Variants in FBN2 observed in about 807,000 individuals in gnomAD.
FBN2 encodes fibrillin-2.
A neutral mutation model predicts 355.6 loss-of-function variants in FBN2; 105 were observed. The observed-to-expected ratio is 0.30, with a 90% CI of 0.25 to 0.35. The LOEUF (loss-of-function observed/expected upper bound fraction) is 0.35, where lower values mean the gene tolerates loss of function less well. Ranked by LOEUF, FBN2 falls within the 10% of genes least tolerant of loss-of-function variation. The pLI, the probability that FBN2 is intolerant of heterozygous loss-of-function variation, is 1.00. For missense variants in FBN2, 3,280 were observed against 3,758.7 expected (o/e 0.87, Z 3.33); for synonymous variants, 1,350 against 1,301.2 (o/e 1.04, Z -0.81).
chr5:128,435,350 T>C (rs1362774517), intron 7 of FBN2, among the ~76,000 whole-genome samples: 3 of 152,222 alleles, frequency 2.0e-5, no homozygotes, highest in Non-Finnish European at 4.4e-5. Flanking sequence ...AAGTCAACTG[T>C]GTTATTTTCA....
chr5:128,399,402 G>C (rs1041516707), intron 8 of FBN2, among the ~76,000 whole-genome samples: 6 of 152,100 alleles, frequency 3.9e-5, no homozygotes, highest in African/African-American at 1.2e-4. Flanking sequence ...TTAAAATTCT[G>C]TACTGTGATA....
intron 25 of FBN2, 110 bp from the exon 26 acceptor site, chr5:128,339,171 C>T (rs760432384): frequency 2.7e-6 from 3 of 1,119,028 alleles, no homozygotes; most frequent in Non-Finnish European, 4.0e-6. Flanking sequence ...GCTAACAGTA[C>T]AAGGGTATGT....
chr5:128,530,733 T>C lies in FBN2; in HGVS notation c.338-40A>G, dbSNP rs375000298. On this transcript the variant is annotated intron_variant, in intron 2 of 64. Coordinates refer to ENST00000262464, the MANE Select transcript of FBN2 (RefSeq NM_001999.4). ...ATAGGAAAATGAATGAATAACTATA[T>C]AATAAACCATAGTTTACAAAACAAG... 131 of 1,237,438 alleles carry C rather than the reference T, an allele frequency of 1.1e-4. No individual in the cohort carries two copies. The African/African-American group carries it at 1.6e-3, about 16-fold the overall frequency. 76.7% of individuals were successfully genotyped at this position (1,237,438 alleles called of 1,614,324 possible).
At chr5:128,284,721 T>G (rs1015819084) in intron 55 of FBN2, among the ~76,000 whole-genome samples, 1 of 152,338 alleles carries the variant, frequency 6.6e-6, no homozygotes, top group South Asian at 2.1e-4. Context: ...TCTTAAAGCC[T>G]TAGAATCTCT....
intron 6 of FBN2, among the ~76,000 whole-genome samples, chr5:128,461,759 C>T (rs1754563931): frequency 2.0e-5 from 3 of 151,508 alleles, no homozygotes; most frequent in African/African-American, 7.3e-5. Context: ...GAACAGAAAA[C>T]CAAACACCAC....
In FBN2 at chr5:128,369,109, T is replaced by C; in HGVS notation, c.2248+73A>G. 8 of 1,452,756 alleles carry C rather than the reference T, an allele frequency of 5.5e-6. No homozygotes were observed. In the South Asian group the frequency reaches 9.1e-5, roughly 17 times the overall value. 90.0% of individuals were successfully genotyped at this position (1,452,756 alleles called of 1,614,324 possible). A position where few individuals can be genotyped will look rare whatever the true frequency, so the allele number is the denominator to read the frequency against. Reference sequence around the variant, plus strand: ...ATGATGAAACACTTAAGAGCTGATGTTCTCTTTGGCCAAACATCTAAGGTT... The same window carrying C: ...ATGATGAAACACTTAAGAGCTGATGCTCTCTTTGGCCAAACATCTAAGGTT... On this transcript the variant is annotated intron_variant, in intron 16 of 64. Coordinates refer to ENST00000262464, the MANE Select transcript of FBN2 (RefSeq NM_001999.4).
intron 19 of FBN2, among the ~76,000 whole-genome samples, chr5:128,360,120 A>G (rs1160098383): frequency 6.6e-6 from 1 of 152,150 alleles, no homozygotes; most frequent in Non-Finnish European, 1.5e-5. Flanking sequence ...GACAACAGAC[A>G]AAACTGAAAA....
chr5:128,320,371 C>A (rs769717359), intron 34 of FBN2, among the ~76,000 whole-genome samples: 1 of 152,046 alleles, frequency 6.6e-6, no homozygotes, highest in Non-Finnish European at 1.5e-5. Flanking sequence ...AACACCATCA[C>A]ACCTAGCTAA....
At position 128,374,694 on chromosome 5, in the gene FBN2, C is replaced by T. The variant is rs753334611; in HGVS notation, c.2029G>A (p.Glu677Lys). The change falls in exon 15 of 65, where the codon GAA (glutamate) becomes AAA (lysine). Residue 677 changes from glutamate to lysine, a missense_variant. Coordinates refer to ENST00000262464, the MANE Select transcript of FBN2 (RefSeq NM_001999.4). The part of the protein sequence containing the change: ...ICMNGHCINS[E>K]GSFRCDCPPG... ...GGACAGTCACAGCGGAAGGACCCTT[C>T]ACTGTTGATGCAGTGCCCATTCATG... is the stretch of plus-strand genomic sequence containing the variant. 2.5e-6 allele frequency: 4 copies of T among 1,613,996 alleles called. No homozygotes were observed. Among genetic ancestry groups the T allele is most frequent in the Non-Finnish European group, 3.4e-6 (4 of 1,179,928 alleles).
chr5:128,446,240 A>T, intron 7 of FBN2: 1 of 398,108 alleles, frequency 2.5e-6, no homozygotes, highest in Non-Finnish European at 4.7e-6. Flanking sequence ...GATTACTCCC[A>T]TTCTCAATGC....
At chr5:128,317,140 C>T (rs1750222907) in intron 36 of FBN2, among the ~76,000 whole-genome samples, 1 of 152,128 alleles carries the variant, frequency 6.6e-6, no homozygotes. Context: ...GTTGGTCTGT[C>T]CCCTCCTTAA....
chr5:128,273,260 G>C (rs1292347309), intron 61 of FBN2, among the ~76,000 whole-genome samples: 1 of 152,124 alleles, frequency 6.6e-6, no homozygotes, highest in Admixed American at 6.5e-5. Flanking sequence ...TTTCTTAACT[G>C]CAAGCATGTT....
At chr5:128,316,539 T>C (rs1370276624) in intron 36 of FBN2, among the ~76,000 whole-genome samples, 1 of 152,156 alleles carries the variant, frequency 6.6e-6, no homozygotes, top group East Asian at 1.9e-4. Context: ...TAAACTAAAA[T>C]TGATTATACA....
Position 128,310,625 on chromosome 5 carries a change from T to C in FBN2, c.5075-517A>G, listed in dbSNP as rs188111058. 9.7e-4 allele frequency among the ~76,000 whole-genome samples: 148 copies of C among 152,116 alleles called. 1 individual carries two copies. Among genetic ancestry groups the C allele is most frequent in the African/African-American group, 3.0e-3 (124 of 41,498 alleles). ...GTTCTCCTCATTACATCCTATTTCTTCCAGATACATTTATCAAACATGTTC... is the reference window on the plus strand; with the variant it reads ...GTTCTCCTCATTACATCCTATTTCTCCCAGATACATTTATCAAACATGTTC... On this transcript the variant is annotated intron_variant, in intron 39 of 64. Coordinates refer to ENST00000262464, the MANE Select transcript of FBN2 (RefSeq NM_001999.4).
intron 5 of FBN2, among the ~76,000 whole-genome samples, chr5:128,495,364 A>T (rs1755627625): frequency 6.6e-6 from 1 of 152,138 alleles, no homozygotes; most frequent in African/African-American, 2.4e-5. Flanking sequence ...TACCAGAGGA[A>T]GAGGAGGAAA....
intron 15 of FBN2, among the ~76,000 whole-genome samples, chr5:128,372,869 C>T (rs375359386): frequency 1.3e-5 from 2 of 152,050 alleles, no homozygotes; most frequent in East Asian, 1.9e-4. Flanking sequence ...TCCAGTGATC[C>T]GCCCAACATG....
Position 128,395,249 on chromosome 5 carries a change from C to T in FBN2, c.1104G>A (p.Ser368=), listed in dbSNP as rs138063920. 5.0e-6 allele frequency: 8 copies of T among 1,613,934 alleles called. No homozygotes were observed. The highest frequency in any genetic ancestry group is 3.3e-5 in the Admixed American group (2 of 60,012). Residue 368 remains serine, a synonymous_variant, in exon 9 of 65, where the codon TCG becomes TCA. Transcript: ENST00000262464. ...GTGCACAGCGGCCATTCACCAGGCC[C>T]GAGAAACACATGCCTGTTCTCTGAT... ...CIDQRTGMCF[S]GLVNGRCAQE... is the part of the protein sequence containing the mutation.
intron 62 of FBN2, among the ~76,000 whole-genome samples, chr5:128,269,002 T>C (rs1216848407): frequency 2.0e-5 from 3 of 152,146 alleles, no homozygotes; most frequent in Non-Finnish European, 2.9e-5. Context: ...CTATTCAACA[T>C]AGTATTGGAA....
intron 5 of FBN2, among the ~76,000 whole-genome samples, chr5:128,516,488 T>C (rs1441580145): frequency 6.6e-6 from 1 of 151,754 alleles, no homozygotes; most frequent in Non-Finnish European, 1.5e-5. Context: ...TTAAATACCA[T>C]AATCATGCCA....
Sources: gnomAD v4.1 joint callset for allele counts (sites outside exome capture counted in the v4.1 genomes callset) on GRCh38, gnomAD v4.1.1 for gene constraint, MANE v1.5 for transcripts, NCBI Gene and HGNC (gene_info 2026-07-23, HGNC 2026-07-21) for gene names.